PRR5L: variants seen among roughly 807,000 people sequenced by gnomAD.
PRR5L encodes the protein proline rich 5 like, also known as proline-rich protein 5-like.
A neutral mutation model predicts 36.4 loss-of-function variants in PRR5L; 21 were observed. That is an observed-to-expected ratio of 0.58 (90% confidence interval 0.41 to 0.83). The LOEUF is 0.83. Ranked by LOEUF, PRR5L falls within the 40% of genes least tolerant of loss-of-function variation. The pLI is 0.00. For missense variants in PRR5L, 381 were observed against 473.3 expected, an observed-to-expected ratio of 0.80 and a Z score of 1.81; for synonymous variants, 188 against 197.0, an observed-to-expected ratio of 0.95 and a Z score of 0.38.
intron 1 of PRR5L, among the ~76,000 whole-genome samples, chr11:36,316,846 G>A (rs1369052591): frequency 6.6e-6 from 1 of 152,158 alleles, no homozygotes; most frequent in East Asian, 1.9e-4. Context: ...GTCTTTTTGG[G>A]AAAGGGTTAC....
At position 36,351,627 on chromosome 11, in the gene PRR5L, TTATATAAA is replaced by T. The variant is rs1454733004; in HGVS notation, c.-125-49363_-125-49356del. ...AATATATATTTATATATTTATATAT[TTATATAAA>T]TATATATTTATATATTTATATAAAT... is the stretch of plus-strand genomic sequence containing the variant. On this transcript the variant is annotated intron_variant, in intron 1 of 8. Transcript: ENST00000530639. Among the ~76,000 whole-genome samples the T allele has an allele frequency of 5.0e-4, 8 of 15,920 alleles. 4 individuals carry two copies. Among genetic ancestry groups the T allele is most frequent in the African/African-American group, 2.4e-3 (6 of 2,494 alleles). The allele number at this position is 15,920 out of a possible 152,430, so 10.4% of individuals were successfully genotyped here.
chr11:36,378,803 T>A (rs1857320600), intron 1 of PRR5L, among the ~76,000 whole-genome samples: 1 of 152,204 alleles, frequency 6.6e-6, no homozygotes. Context: ...ATGCAAACAA[T>A]GATATAGGTA....
At position 36,413,935 on chromosome 11, in the gene PRR5L, TC is replaced by T. The variant is rs1322207368; in HGVS notation, c.246-5317del. The stretch of plus-strand genomic sequence containing the variant: ...TGTCCATGTGTTCTCATTGTTCAAT[TC>T]CCACCTATGAGTGAGAACATGCGGT... On this transcript the variant is annotated intron_variant, in intron 3 of 8. Coordinates refer to ENST00000530639, the MANE Select transcript of PRR5L (RefSeq NM_001160167.2). 1.4e-5 allele frequency among the ~76,000 whole-genome samples: 2 copies of T among 144,794 alleles called. 1 individual carries two copies. The highest frequency in any genetic ancestry group is 5.2e-5 in the African/African-American group (2 of 38,548). The allele number at this position is 144,794 out of a possible 152,430, so 95.0% of individuals were successfully genotyped here.
chr11:36,354,045 T>C (rs950734978), intron 1 of PRR5L, among the ~76,000 whole-genome samples: 5 of 152,196 alleles, frequency 3.3e-5, no homozygotes, highest in Non-Finnish European at 5.9e-5. Flanking sequence ...GAAGTCAACC[T>C]AGGCATTGGG....
intron 1 of PRR5L, among the ~76,000 whole-genome samples, chr11:36,360,073 ACC>A (rs1565415348): frequency 2.9e-4 from 17 of 59,594 alleles, no homozygotes; most frequent in Non-Finnish European, 4.5e-4. Flanking sequence ...ATACACACAC[ACC>A]CACACACACA....
At chr11:36,339,762 A>G (rs1199055899) in intron 1 of PRR5L, among the ~76,000 whole-genome samples, 4 of 152,356 alleles carry the variant, frequency 2.6e-5, no homozygotes, top group Admixed American at 6.5e-5. Context: ...TGGTGGTCTC[A>G]TAATTTAAAG....
At chr11:36,442,293 C>G (rs1858737918) in intron 6 of PRR5L, among the ~76,000 whole-genome samples, 1 of 151,784 alleles carries the variant, frequency 6.6e-6, no homozygotes, top group African/African-American at 2.4e-5. Context: ...TATTCCTGAT[C>G]TTAGGCTGTT....
chr11:36,340,130 C>A (rs1856804716), intron 1 of PRR5L, among the ~76,000 whole-genome samples: 1 of 152,222 alleles, frequency 6.6e-6, no homozygotes, highest in Non-Finnish European at 1.5e-5. Context: ...AGTCTGGAGC[C>A]CCCCTGCTGG....
chr11:36,453,790 G>T (rs1175815186), intron 8 of PRR5L, among the ~76,000 whole-genome samples: 4 of 152,164 alleles, frequency 2.6e-5, no homozygotes, highest in African/African-American at 9.7e-5. Flanking sequence ...AGGGAATCAG[G>T]GAAGACTACC....
At chr11:36,352,708 C>T (rs554268987) in intron 1 of PRR5L, among the ~76,000 whole-genome samples, 101 of 152,290 alleles carry the variant, frequency 6.6e-4, no homozygotes, top group Non-Finnish European at 1.1e-3. Flanking sequence ...CAGTACTTGG[C>T]ACTCAGCTAA....
At chr11:36,435,145 G>T (rs774785404) in intron 5 of PRR5L, among the ~76,000 whole-genome samples, 2 of 151,992 alleles carry the variant, frequency 1.3e-5, no homozygotes, top group African/African-American at 2.4e-5. Flanking sequence ...GTTCACCTTG[G>T]TTCTAGGAAC....
At chr11:36,381,088 CT>C (rs1173747346) in intron 1 of PRR5L, among the ~76,000 whole-genome samples, 4 of 152,324 alleles carry the variant, frequency 2.6e-5, no homozygotes, top group South Asian at 2.1e-4. Flanking sequence ...TTTCATTCTT[CT>C]TTTTCTCCCC....
At position 36,446,422 on chromosome 11, in the gene PRR5L, G is replaced by C. The variant is rs1355665419; in HGVS notation, c.567G>C (p.Gln189His). 1 of 1,614,156 alleles carries C rather than the reference G, an allele frequency of 6.2e-7. No homozygotes were observed. Residue 189 changes from glutamine to histidine, a missense_variant, in exon 7 of 9, where the codon CAG (glutamine) becomes CAC (histidine). Transcript: ENST00000530639. ...CCAAGCTGCCCTCGTCCATTGTCCA[G>C]ATGTTGCTCATCCTGCAGGTGAGGC... Reference protein sequence around the residue: ...AQSKLPSSIVQMLLILQSVHE... With the variant: ...AQSKLPSSIVHMLLILQSVHE...
At chr11:36,374,959 G>C (rs992388285) in intron 1 of PRR5L, among the ~76,000 whole-genome samples, 1 of 152,178 alleles carries the variant, frequency 6.6e-6, no homozygotes, top group Non-Finnish European at 1.5e-5. Flanking sequence ...TTCTTGCCAG[G>C]CACGGTGGCT....
At chr11:36,328,901 A>G (rs981388856) in intron 1 of PRR5L, among the ~76,000 whole-genome samples, 1 of 152,190 alleles carries the variant, frequency 6.6e-6, no homozygotes, top group Non-Finnish European at 1.5e-5. Flanking sequence ...GAATTATTTA[A>G]TTGCCCCATA....
intron 1 of PRR5L, chr11:36,321,546 T>C (rs1330527975): frequency 6.6e-6 from 1 of 152,238 alleles, no homozygotes; most frequent in Non-Finnish European, 1.5e-5. Context: ...TGGACCCATC[T>C]CTGAAGCTGG....
chr11:36,396,185 G>A (rs1268774960), intron 1 of PRR5L: 2 of 152,220 alleles, frequency 1.3e-5, no homozygotes, highest in East Asian at 1.9e-4. Context: ...ACTTCCGGCC[G>A]GGGCTGAAGC....
intron 1 of PRR5L, 112 bp from the exon 2 acceptor site, chr11:36,400,885 C>A: frequency 1.3e-6 from 1 of 784,742 alleles, no homozygotes; most frequent in Non-Finnish European, 1.8e-6. Flanking sequence ...GATGCTATTG[C>A]TGGGTCCCGC....
intron 1 of PRR5L, among the ~76,000 whole-genome samples, chr11:36,354,955 T>A (rs1309740723): frequency 1.3e-5 from 2 of 152,078 alleles, no homozygotes; most frequent in African/African-American, 4.8e-5. Flanking sequence ...TGGCTAGAGG[T>A]TGGAGAACGT....
Sources: gnomAD v4.1 joint callset for allele counts (sites outside exome capture counted in the v4.1 genomes callset) on GRCh38, gnomAD v4.1.1 for gene constraint, MANE v1.5 for transcripts, NCBI Gene and HGNC (gene_info 2026-07-23, HGNC 2026-07-21) for gene names.